The following ST7 variants were observed in gnomAD, a reference collection of about 807,000 sequenced individuals.
ST7 encodes the protein suppressor of tumorigenicity 7 protein.
A neutral mutation model predicts 78.7 loss-of-function variants in ST7; 28 were observed. The ratio of observed to expected loss-of-function variants is 0.36; its 90% CI spans 0.26 to 0.49. ST7 has a LOEUF of 0.49. Ranked by LOEUF, ST7 falls within the 20% of genes least tolerant of loss-of-function variation. ST7 has a pLI of 0.99. For missense variants in ST7, 418 were observed against 696.0 expected, an observed-to-expected ratio of 0.60 and a Z score of 4.49; for synonymous variants, 247 against 249.6, an observed-to-expected ratio of 0.99 and a Z score of 0.10.
At chr7:117,051,568 AAACTC>A (rs1797793542) in intron 1 of ST7, among the ~76,000 whole-genome samples, 2 of 152,246 alleles carry the variant, frequency 1.3e-5, no homozygotes, top group Admixed American at 1.3e-4. Flanking sequence ...AAGAGTTTTA[AAACTC>A]AACAGGGTCT....
chr7:116,972,312 C>T, intron 1 of ST7: 4 of 584,386 alleles, frequency 6.8e-6, no homozygotes, highest in Non-Finnish European at 9.4e-6. Flanking sequence ...CATCACGGGC[C>T]TCTCCCTCCT....
intron 1 of ST7, among the ~76,000 whole-genome samples, chr7:117,010,785 T>C (rs1233367835): frequency 6.6e-6 from 1 of 152,210 alleles, no homozygotes; most frequent in Non-Finnish European, 1.5e-5. Context: ...CGATGTAAGA[T>C]ATTATGATAA....
At chr7:117,199,359 A>G (rs1004484227) in intron 12 of ST7, among the ~76,000 whole-genome samples, 2 of 152,074 alleles carry the variant, frequency 1.3e-5, no homozygotes, top group Admixed American at 6.5e-5. Context: ...CTTGGTGCCT[A>G]TTCTCATTAT....
intron 1 of ST7, chr7:116,972,047 C>A (rs143961594): frequency 6.5e-6 from 3 of 464,904 alleles, no homozygotes; most frequent in African/African-American, 6.0e-5. Flanking sequence ...GAGGCAAAAG[C>A]GGAAAGCAGC....
At chr7:117,141,733 C>T (rs1374676038) in intron 9 of ST7, among the ~76,000 whole-genome samples, 5 of 151,880 alleles carry the variant, frequency 3.3e-5, no homozygotes, top group Admixed American at 2.6e-4. Context: ...TGCAGTGGCA[C>T]GACTTGGCTC....
intron 9 of ST7, among the ~76,000 whole-genome samples, chr7:117,139,781 T>A (rs913894379): frequency 6.6e-6 from 1 of 152,204 alleles, no homozygotes; most frequent in Non-Finnish European, 1.5e-5. Flanking sequence ...GAATGTTATA[T>A]GGTATAAGTG....
At chr7:116,968,586 C>A in intron 1 of ST7, 1 of 300,526 alleles carries the variant, frequency 3.3e-6, no homozygotes, top group Non-Finnish European at 6.9e-6. Context: ...TAGCGAGTCG[C>A]AGTGCTTGGT....
intron 1 of ST7, among the ~76,000 whole-genome samples, chr7:117,027,638 T>G (rs1021654964): frequency 6.6e-6 from 1 of 152,132 alleles, no homozygotes; most frequent in African/African-American, 2.4e-5. Context: ...ATCTCAGCAC[T>G]TTGGGAGGCC....
chr7:117,061,847 A>G (rs556567950), intron 1 of ST7, among the ~76,000 whole-genome samples: 1 of 152,344 alleles, frequency 6.6e-6, no homozygotes, highest in Admixed American at 6.5e-5. Flanking sequence ...GAATCTAAGC[A>G]CATTTTCAGA....
rs1370277171 is a variant in ST7 at position 117,219,771 on chromosome 7, T to C, written c.1498+595T>C. On this transcript the variant is annotated intron_variant, in intron 14 of 15. Transcript: ENST00000323984. The surrounding 1 kb of genome is among the most constrained non-coding windows in gnomAD (Gnocchi z 5.1). ...GCACACGTGTAGCCTCAGCACTGTA[T>C]GAAAGCACACAAAAGAAAACCCTGC... Among the ~76,000 whole-genome samples the C allele has an allele frequency of 6.6e-6, 1 of 152,234 alleles. No individual in the cohort carries two copies. The highest frequency in any genetic ancestry group is 2.4e-5 in the African/African-American group (1 of 41,454).
intron 9 of ST7, among the ~76,000 whole-genome samples, chr7:117,161,591 C>CTTTTTTTTTTTTTTTTT (rs60505994): frequency 1.8e-5 from 2 of 113,594 alleles, no homozygotes; most frequent in Non-Finnish European, 1.7e-5. Flanking sequence ...TTCTTTCTTT[C>CTTTTTTTTTTTTTTTTT]TTTTTTTTTT....
chr7:117,166,890 CAA>C (rs34604154), intron 9 of ST7, among the ~76,000 whole-genome samples: 1 of 120,938 alleles, frequency 8.3e-6, no homozygotes, highest in Non-Finnish European at 1.8e-5. Flanking sequence ...CTCTGTCTCT[CAA>C]AAAAAAAAAA....
intron 1 of ST7, among the ~76,000 whole-genome samples, chr7:117,095,892 C>T (rs1055465430): frequency 2.0e-5 from 3 of 151,176 alleles, no homozygotes; most frequent in Non-Finnish European, 4.4e-5. Flanking sequence ...ACATGGTGAA[C>T]CCCCGTCTCT....
chr7:117,035,436 T>G (rs1234888095), intron 1 of ST7, among the ~76,000 whole-genome samples: 2 of 152,192 alleles, frequency 1.3e-5, no homozygotes, highest in Non-Finnish European at 2.9e-5. Context: ...TTTAATTTTT[T>G]TGAGGGGTGG....
At chr7:117,015,027 G>A in intron 1 of ST7, 1 of 1,227,912 alleles carries the variant, frequency 8.1e-7, no homozygotes, top group Non-Finnish European at 1.1e-6. Flanking sequence ...AAAATTAAAT[G>A]TTAAATATTT....
chr7:117,048,342 G>A (rs1046009549), intron 1 of ST7, among the ~76,000 whole-genome samples: 1 of 152,164 alleles, frequency 6.6e-6, no homozygotes, highest in African/African-American at 2.4e-5. Flanking sequence ...ATACAAATTT[G>A]CAAGTTTCAG....
chr7:117,074,207 A>G (rs1799179686), intron 1 of ST7, among the ~76,000 whole-genome samples: 1 of 152,180 alleles, frequency 6.6e-6, no homozygotes, highest in Non-Finnish European at 1.5e-5. Context: ...CCTGGCCAAC[A>G]TGGTGAAACC....
chr7:116,984,221 C>T (rs1794093621), intron 1 of ST7, among the ~76,000 whole-genome samples: 1 of 152,008 alleles, frequency 6.6e-6, no homozygotes, highest in Non-Finnish European at 1.5e-5. Context: ...TTGTGATAGT[C>T]TTTAAACATC....
At chr7:117,206,235 T>C (rs976783888) in intron 12 of ST7, among the ~76,000 whole-genome samples, 1 of 152,210 alleles carries the variant, frequency 6.6e-6, no homozygotes, top group African/African-American at 2.4e-5. Context: ...GTTTCCTTGA[T>C]GTATTGCTTT....
Sources: allele counts gnomAD v4.1 joint callset (sites outside exome capture counted in the v4.1 genomes callset), GRCh38; gene constraint gnomAD v4.1.1; non-coding constraint Gnocchi (gnomAD v3.1); transcripts MANE v1.5; gene names NCBI Gene and HGNC (gene_info 2026-07-23, HGNC 2026-07-21).